Variants in CS observed in about 807,000 individuals in gnomAD.
CS encodes the protein citrate synthase, mitochondrial.
In CS, 13 loss-of-function variants were observed where a neutral mutation model predicts 61.4. The ratio of observed to expected loss-of-function variants is 0.21; its 90% CI spans 0.14 to 0.34. The LOEUF (loss-of-function observed/expected upper bound fraction) is 0.34, where lower values mean the gene tolerates loss of function less well. Among genes scored for constraint, CS ranks in the 10% least tolerant of loss-of-function variants. CS has a pLI of 1.00. For synonymous variants in CS, 159 were observed against 215.2 expected (o/e 0.74, Z 2.29); for missense variants, 278 against 573.4 (o/e 0.48, Z 5.26).
chr12:56,280,416 C>CA lies in CS; in HGVS notation c.588+2003dup, dbSNP rs1190260476. On this transcript the variant is annotated intron_variant, in intron 6 of 10. Coordinates refer to ENST00000351328, the MANE Select transcript of CS (RefSeq NM_004077.3). ...GGTGACAGTGCAAGACACCGTCTCC[C>CA]AAAAAAAACAAAAAAAAAAAACAAA... is the stretch of plus-strand genomic sequence containing the variant. Among the ~76,000 whole-genome samples, 297 of 89,748 alleles carry CA rather than the reference C, an allele frequency of 3.3e-3. 3 individuals carry two copies. The highest frequency in any genetic ancestry group is 0.012 in the African/African-American group (288 of 24,156). 58.9% of individuals were successfully genotyped at this position (89,748 alleles called of 152,430 possible).
chr12:56,282,343 T>C (rs1872799322), intron 6 of CS, 77 bp downstream of exon 6: 3 of 1,200,080 alleles, frequency 2.5e-6, no homozygotes, highest in African/African-American at 1.6e-5. Flanking sequence ...CTAAAGATTC[T>C]GTATTTTTTC....
chr12:56,279,998 G>A (rs1461776829), intron 6 of CS, among the ~76,000 whole-genome samples: 1 of 151,706 alleles, frequency 6.6e-6, no homozygotes. Context: ...CAAACAAAAA[G>A]GCCCAGGGTG....
At chr12:56,280,690 G>A (rs990235172) in intron 6 of CS, among the ~76,000 whole-genome samples, 2 of 151,886 alleles carry the variant, frequency 1.3e-5, no homozygotes, top group African/African-American at 4.8e-5. Flanking sequence ...TCCAGCCTGG[G>A]TGACACAGCG....
intron 1 of CS, among the ~76,000 whole-genome samples, chr12:56,297,926 C>T (rs935688117): frequency 2.0e-5 from 3 of 152,166 alleles, no homozygotes; most frequent in Admixed American, 1.3e-4. Context: ...TCTTGGTACC[C>T]TGGTCATATT....
At chr12:56,298,052 G>A (rs996556671) in intron 1 of CS, among the ~76,000 whole-genome samples, 13 of 151,834 alleles carry the variant, frequency 8.6e-5, no homozygotes, top group Non-Finnish European at 1.8e-4. Context: ...AGGCTGGAGT[G>A]CAATGGAGCG....
chr12:56,290,245 ACT>A (rs1651128931), intron 1 of CS, among the ~76,000 whole-genome samples: 1 of 149,474 alleles, frequency 6.7e-6, no homozygotes, highest in Non-Finnish European at 1.5e-5. Flanking sequence ...GGAGTCTCAC[ACT>A]GTCACCCAGG....
chr12:56,285,980 G>T lies in CS; in HGVS notation c.137C>A (p.Ala46Asp). The change falls in exon 3 of 11, where the codon GCC becomes GAC. Residue 46 changes from alanine (A) to aspartate (D), a missense_variant. By Grantham distance (126) the Ala-to-Asp change is moderately radical. Around this residue, in one of 2 missense-constraint regions of CS, gnomAD observed 55 missense variants for 69.9 expected, o/e 0.79. Coordinates refer to ENST00000351328, the MANE Select transcript of CS (RefSeq NM_004077.3). ...ILADLIPKEQ[A>D]RIKTFRQQHG... ...TTGCTGCCTGAAAGTCTTAATTCTG[G>T]CCTGCTCCTTAGGTATCAGGTCAGC... The T allele has an allele frequency of 6.2e-7, 1 of 1,613,656 alleles. No homozygotes were observed. Among genetic ancestry groups the T allele is most frequent in the Non-Finnish European group, 8.5e-7 (1 of 1,179,984 alleles).
chr12:56,283,897 G>A, intron 3 of CS, 40 bp from the exon 4 acceptor site: 2 of 1,462,752 alleles, frequency 1.4e-6, no homozygotes, highest in Non-Finnish European at 1.9e-6. Context: ...AAAAGAGGCT[G>A]TGGCCAGTAA....
intron 1 of CS, among the ~76,000 whole-genome samples, chr12:56,294,619 T>G (rs1167409581): frequency 6.6e-6 from 1 of 151,408 alleles, no homozygotes; most frequent in African/African-American, 2.4e-5. Context: ...CAGGCTGGAG[T>G]GCAGTGGTGC....
intron 3 of CS, among the ~76,000 whole-genome samples, chr12:56,284,557 C>T (rs11614512): frequency 0.072 from 10,925 of 150,978 alleles, 491 homozygotes; most frequent in Non-Finnish European, 0.11. Flanking sequence ...ATTATAGGCA[C>T]GTGCCACCAT....
intron 1 of CS, among the ~76,000 whole-genome samples, chr12:56,289,891 ACTTT>A (rs1390549070): frequency 6.6e-6 from 1 of 151,880 alleles, no homozygotes; most frequent in Non-Finnish European, 1.5e-5. Context: ...CAACCAGCTG[ACTTT>A]CTGTTTTGTT....
At chr12:56,294,166 T>A (rs1006866667) in intron 1 of CS, among the ~76,000 whole-genome samples, 1 of 152,092 alleles carries the variant, frequency 6.6e-6, no homozygotes, top group Non-Finnish European at 1.5e-5. Context: ...TCCAACAGTC[T>A]CTTCACGTGA....
intron 4 of CS, 58 bp from the exon 5 acceptor site, chr12:56,283,049 T>G: frequency 6.3e-7 from 1 of 1,591,594 alleles, no homozygotes; most frequent in South Asian, 1.1e-5. Flanking sequence ...GTCACACGAC[T>G]GGTCTTACTC....
chr12:56,289,423 A>AT (rs34878067), intron 1 of CS, among the ~76,000 whole-genome samples: 12,115 of 150,862 alleles, frequency 0.08, 1,042 homozygotes, highest in East Asian at 0.36. Flanking sequence ...TGCTGTGGTG[A>AT]TTTTTTTTTA....
At chr12:56,282,677 CA>C (rs1263080676) in intron 5 of CS, 69 bp from the exon 6 acceptor site, 1 of 1,535,818 alleles carries the variant, frequency 6.5e-7, no homozygotes, top group African/African-American at 1.4e-5. Flanking sequence ...AAAAGGACAG[CA>C]ACATCTGAGT....
intron 1 of CS, among the ~76,000 whole-genome samples, chr12:56,293,936 G>C (rs985872129): frequency 6.6e-6 from 1 of 152,168 alleles, no homozygotes; most frequent in African/African-American, 2.4e-5. Flanking sequence ...CTTGCATTCA[G>C]AGAACACGAA....
chr12:56,273,912 C>T, intron 9 of CS, 116 bp from the exon 10 acceptor site: 3 of 826,208 alleles, frequency 3.6e-6, no homozygotes, highest in East Asian at 2.6e-5. Context: ...CATCTCACGG[C>T]AGCCTCGACC....
In CS at chr12:56,285,925, A is replaced by T; in HGVS notation, c.192T>A (p.Thr64=). 1.2e-6 allele frequency: 2 copies of T among 1,612,040 alleles called. No individual in the cohort carries two copies. Among genetic ancestry groups the T allele is most frequent in the Non-Finnish European group, 1.7e-6 (2 of 1,179,604 alleles). The change falls in exon 3 of 11, where the codon ACT becomes ACA. Residue 64 remains threonine (T), a synonymous_variant. Coordinates refer to ENST00000351328, the MANE Select transcript of CS (RefSeq NM_004077.3). Reference sequence around the variant, plus strand: ...GCCACACAACCCTTACCATGTCCACAGTGATTTGGCCCACCACCGTCTTGC... The same window carrying T: ...GCCACACAACCCTTACCATGTCCACTGTGATTTGGCCCACCACCGTCTTGC... The part of the protein sequence containing the change: ...QHGKTVVGQI[T]VDMMYGGMRG...
chr12:56,284,711 C>T (rs1013742171), intron 3 of CS, among the ~76,000 whole-genome samples: 12 of 150,428 alleles, frequency 8.0e-5, no homozygotes, highest in Admixed American at 1.3e-4. Flanking sequence ...ACATCCTGGC[C>T]AACATGGTGA....
Sources: gnomAD v4.1 joint callset for allele counts (sites outside exome capture counted in the v4.1 genomes callset) on GRCh38, gnomAD v4.1.1 for gene constraint, gnomAD v4.1.1 regional missense constraint, MANE v1.5 for transcripts, NCBI Gene and HGNC (gene_info 2026-07-23, HGNC 2026-07-21) for gene names.